Variants in PFKFB1 observed in about 807,000 individuals in gnomAD.
The protein encoded by PFKFB1 is 6-phosphofructo-2-kinase/fructose-2,6-bisphosphatase 1.
A neutral mutation model predicts 46.4 loss-of-function variants in PFKFB1; 34 were observed. The ratio of observed to expected loss-of-function variants is 0.73; its 90% CI spans 0.56 to 0.98. PFKFB1 has a LOEUF of 0.98. PFKFB1 is among the 50% of genes least tolerant of loss of function. The probability of loss-of-function intolerance (pLI) is 0.00; values close to 1 mark genes in which losing one functional copy is unlikely to be tolerated. For missense variants in PFKFB1, 393 were observed against 376.3 expected (o/e 1.04, Z -0.37); for synonymous variants, 119 against 133.8 (o/e 0.89, Z 0.76).
chrX:54,959,926 C>A, intron 3 of PFKFB1, 33 bp from the exon 4 acceptor site: 1 of 1,019,222 alleles, frequency 9.8e-7, no homozygotes, highest in Non-Finnish European at 1.4e-6. Context: ...AAGAGGCAAC[C>A]CTTATCCCCC....
intron 1 of PFKFB1, among the ~76,000 whole-genome samples, chrX:54,972,055 T>A (rs1934682340): frequency 9.0e-6 from 1 of 111,137 alleles, no homozygotes; most frequent in Admixed American, 9.5e-5. Context: ...GTCCTTCACA[T>A]CCCTTGTAAG....
intron 13 of PFKFB1, 91 bp from the exon 14 acceptor site, chrX:54,933,553 C>T: frequency 1.3e-6 from 1 of 762,007 alleles, no homozygotes; most frequent in Non-Finnish European, 2.0e-6. Context: ...CCAGGCTCCC[C>T]TCTTTCAGCC....
chrX:54,997,563 C>T (rs1237443053), upstream of PFKFB1, among the ~76,000 whole-genome samples: 1 of 111,988 alleles, frequency 8.9e-6, no homozygotes, highest in Non-Finnish European at 1.9e-5. Context: ...AATAAAGTCA[C>T]GAATGGGGTC....
chrX:54,935,582 G>A (rs113983235), intron 11 of PFKFB1, among the ~76,000 whole-genome samples: 2,029 of 112,443 alleles, frequency 0.018, 27 homozygotes, highest in African/African-American at 0.062. Context: ...CTGGGTCTAT[G>A]TTTCCATTTC....
At chrX:54,990,689 C>T (rs890193602) in intron 1 of PFKFB1, among the ~76,000 whole-genome samples, 1 of 111,364 alleles carries the variant, frequency 9.0e-6, no homozygotes, top group Non-Finnish European at 1.9e-5. Flanking sequence ...AAATCACAGG[C>T]CAATCTCTTT....
At chrX:54,992,749 T>C (rs758222512) in intron 1 of PFKFB1, among the ~76,000 whole-genome samples, 1 of 111,627 alleles carries the variant, frequency 9.0e-6, no homozygotes, top group Admixed American at 9.5e-5. Flanking sequence ...GGCTTGCTTG[T>C]TTGTCAACTA....
intron 1 of PFKFB1, among the ~76,000 whole-genome samples, chrX:54,981,331 A>G (rs1934984112): frequency 8.9e-6 from 1 of 111,846 alleles, no homozygotes; most frequent in African/African-American, 3.2e-5. Context: ...TTAAAAAGCA[A>G]TCAAAGATAA....
intron 1 of PFKFB1, among the ~76,000 whole-genome samples, chrX:54,989,689 GA>G (rs1490071619): frequency 1.8e-5 from 2 of 112,178 alleles, no homozygotes; most frequent in African/African-American, 6.5e-5. Flanking sequence ...AGTCTCAACA[GA>G]TTTCAAAGAA....
chrX:54,962,209 C>A (rs1213285182), intron 2 of PFKFB1, among the ~76,000 whole-genome samples: 1 of 111,755 alleles, frequency 8.9e-6, no homozygotes, highest in African/African-American at 3.3e-5. Context: ...TGCCTCTACA[C>A]TCAGCAGATT....
At chrX:54,960,541 T>C (rs1934279395) in intron 3 of PFKFB1, among the ~76,000 whole-genome samples, 1 of 112,352 alleles carries the variant, frequency 8.9e-6, no homozygotes, top group Admixed American at 9.4e-5. Context: ...TTAAAGGTTC[T>C]TGATAAGTGG....
In PFKFB1 at chrX:54,968,658, C is replaced by T. The variant is rs1209558651; in HGVS notation, c.98-5276G>A. 3.6e-4 allele frequency among the ~76,000 whole-genome samples: 40 copies of T among 110,965 alleles called. 1 individual carries two copies. Among genetic ancestry groups the T allele is most frequent in the Non-Finnish European group, 1.3e-4 (7 of 52,906 alleles). Reference sequence around the variant, plus strand: ...TCCTCAAAAAGAACAAACTGGCAAACCTTATCCAAAATGTAACAAATAATC... The same window carrying T: ...TCCTCAAAAAGAACAAACTGGCAAATCTTATCCAAAATGTAACAAATAATC... On this transcript the variant is annotated intron_variant, in intron 1 of 13. Transcript: ENST00000375006.
chrX:54,958,833 G>C lies in PFKFB1; in HGVS notation c.459+18C>G. 9.2e-7 allele frequency: 1 copy of C among 1,089,640 alleles called. No individual in the cohort carries two copies. Among genetic ancestry groups the C allele is most frequent in the Non-Finnish European group, 1.3e-6 (1 of 786,243 alleles). 89.8% of individuals were successfully genotyped at this position (1,089,640 alleles called of 1,213,427 possible). A position where few individuals can be genotyped will look rare whatever the true frequency, so the allele number is the denominator to read the frequency against. On this transcript the variant is annotated intron_variant, in intron 5 of 13. Transcript: ENST00000375006. ...CTGGAGAAATAGGCTCTAGATAAGA[G>C]TTGGAGTGTTACCATACCTTGTAAC...
chrX:54,945,715 T>TGTGC lies in PFKFB1; in HGVS notation c.994-173_994-172insGCAC, dbSNP rs1415944882. ...AAGTGTGTATGCGTGTGTGTGTGTG[T>TGTGC]GTGTGCGTGTGTGTGTGTGTGTGTG... On this transcript the variant is annotated intron_variant, in intron 9 of 13. Transcript: ENST00000375006. 8.8e-3 allele frequency among the ~76,000 whole-genome samples: 931 copies of TGTGC among 105,530 alleles called. 17 individuals are homozygous for TGTGC. The highest frequency in any genetic ancestry group is 0.033 in the African/African-American group (889 of 26,939). The allele number at this position is 105,530 out of a possible 115,157, so 91.6% of individuals were successfully genotyped here.
chrX:54,936,202 A>G (rs1933383569), intron 11 of PFKFB1, among the ~76,000 whole-genome samples: 1 of 110,815 alleles, frequency 9.0e-6, no homozygotes, highest in African/African-American at 3.3e-5. Context: ...TGCCTCCACT[A>G]ATGACCTTGG....
rs762369271 is a variant in PFKFB1 at position 54,937,644 on chromosome X, G to C, written c.1179C>G (p.His393Gln). ...ERQENVLVICHQAVMRCLLAY... is the reference protein window; with the variant it reads ...ERQENVLVICQQAVMRCLLAY... Reference sequence around the variant, plus strand: ...CCAGGAGGCACCGCATGACAGCCTGGTGGCAGATCACCAGTACATTCTCCT... The same window carrying C: ...CCAGGAGGCACCGCATGACAGCCTGCTGGCAGATCACCAGTACATTCTCCT... Residue 393 changes from histidine (H) to glutamine (Q), a missense_variant, in exon 11 of 14, where the codon CAC (histidine) becomes CAG (glutamine). His to Gln is a conservative substitution (Grantham distance 24). Coordinates refer to ENST00000375006, the MANE Select transcript of PFKFB1 (RefSeq NM_002625.4). 4 of 1,208,457 alleles carry C rather than the reference G, an allele frequency of 3.3e-6. No individual in the cohort carries two copies. In the East Asian group the frequency reaches 8.9e-5, roughly 27 times the overall value.
At chrX:54,933,748 C>T in intron 13 of PFKFB1, 73 bp downstream of exon 13, 1 of 960,713 alleles carries the variant, frequency 1.0e-6, no homozygotes, top group Non-Finnish European at 1.5e-6. Flanking sequence ...TTGGGGCAGC[C>T]TTTCTGTGGA....
At chrX:54,960,559 T>C (rs1934280171) in intron 3 of PFKFB1, among the ~76,000 whole-genome samples, 1 of 112,302 alleles carries the variant, frequency 8.9e-6, no homozygotes, top group Non-Finnish European at 1.9e-5. Context: ...TGGATGGTTA[T>C]GACCAGAAAC....
intron 1 of PFKFB1, among the ~76,000 whole-genome samples, chrX:54,972,742 G>A (rs1031064599): frequency 7.2e-5 from 8 of 111,671 alleles, no homozygotes; most frequent in Non-Finnish European, 1.3e-4. Flanking sequence ...TGGTTTGCCA[G>A]TATTTTATTG....
rs916390376 is a variant in PFKFB1 at position 54,937,752 on chromosome X, G to C, written c.1099-28C>G. 1.3e-5 allele frequency: 15 copies of C among 1,186,085 alleles called. No individual in the cohort carries two copies. The East Asian group carries it at 1.5e-4, about 12-fold the overall frequency. ...AAACGTAAGAGAGATACTTGAGTGA[G>C]AAAGGAAGATGAGGCACATTTGCCC... is the stretch of plus-strand genomic sequence containing the variant. On this transcript the variant is annotated intron_variant, in intron 10 of 13. Transcript: ENST00000375006.
Sources: allele counts gnomAD v4.1 joint callset (sites outside exome capture counted in the v4.1 genomes callset), GRCh38; gene constraint gnomAD v4.1.1; transcripts MANE v1.5; gene names NCBI Gene and HGNC (gene_info 2026-07-23, HGNC 2026-07-21).